RBM23: variants seen among roughly 807,000 people sequenced by gnomAD.
RBM23 encodes the protein RNA binding motif protein 23, also known as probable RNA-binding protein 23.
Under a neutral mutation model 56.2 loss-of-function variants are expected in RBM23, and 53 were observed. The observed-to-expected ratio is 0.94, with a 90% CI of 0.76 to 1.19. RBM23 has a LOEUF of 1.19. Among genes scored for constraint, RBM23 ranks in the 50% most tolerant of loss-of-function variants. The probability of loss-of-function intolerance (pLI) is 0.00; values close to 1 mark genes in which losing one functional copy is unlikely to be tolerated. For synonymous variants in RBM23, 197 were observed against 198.5 expected, an observed-to-expected ratio of 0.99 and a Z score of 0.06; for missense variants, 642 against 590.3, an observed-to-expected ratio of 1.09 and a Z score of -0.91.
intron 3 of RBM23, 23 bp from the exon 4 acceptor site, chr14:22,908,403 C>CT (rs747437175): frequency 0.035 from 41,353 of 1,193,128 alleles, no homozygotes; most frequent in Non-Finnish European, 0.037. Context: ...GTACATTCTT[C>CT]TTTTTTTTTT....
intron 12 of RBM23, 34 bp downstream of exon 12, chr14:22,901,946 A>C: frequency 6.2e-7 from 1 of 1,612,046 alleles, no homozygotes; most frequent in South Asian, 1.1e-5. Context: ...CCAGACCCCC[A>C]AACCTTCCCT....
At chr14:22,905,892 G>A (rs971930483) in intron 5 of RBM23, 15 of 596,514 alleles carry the variant, frequency 2.5e-5, no homozygotes, top group Non-Finnish European at 4.1e-5. Flanking sequence ...TAGGATTACA[G>A]ACACACATGA....
At chr14:22,909,202 C>A (rs2042066507) in intron 3 of RBM23, among the ~76,000 whole-genome samples, 1 of 152,102 alleles carries the variant, frequency 6.6e-6, no homozygotes, top group Admixed American at 6.6e-5. Flanking sequence ...CTCGGCCTCC[C>A]AAAGTGCTGG....
Position 22,902,056 on chromosome 14 carries a change from G to GGCGGCAGCA in RBM23, c.1169_1170insTGCTGCCGC (p.Ala391_Ala393dup), listed in dbSNP as rs1555335713. On this transcript the variant is annotated inframe_insertion, in exon 12 of 14. Transcript: ENST00000359890. ...GCAAGGCAGCAGCCTGGGCGGCGGC[G>GGCGGCAGCA]GCAGCAGCAGCAGCAGCAGTGCTTG... 3.7e-6 allele frequency: 6 copies of GGCGGCAGCA among 1,605,896 alleles called. No homozygotes were observed. Among genetic ancestry groups the GGCGGCAGCA allele is most frequent in the Admixed American group, 3.4e-5 (2 of 59,332 alleles).
At chr14:22,904,078 C>G (rs2041093264) in intron 10 of RBM23, 183 bp downstream of exon 10, 3 of 1,524,872 alleles carry the variant, frequency 2.0e-6, no homozygotes, top group South Asian at 1.2e-5. Flanking sequence ...AGTGTAGGAG[C>G]AAAGCCAAGA....
At chr14:22,901,930 T>C (rs2040566743) in intron 12 of RBM23, 47 bp from the exon 13 acceptor site, 8 of 1,612,866 alleles carry the variant, frequency 5.0e-6, no homozygotes, top group Non-Finnish European at 6.8e-6. Context: ...CGCGCACTCC[T>C]TCTTTCCAGA....
rs746246907 is a variant in RBM23, at chr14:22,901,715, T to G, written c.*15A>C. On this transcript the variant is annotated 3_prime_UTR_variant, in exon 14 of 14. Coordinates refer to ENST00000359890, the MANE Select transcript of RBM23 (RefSeq NM_001077351.2). ...GATCCAGAGGCACAAGGAGGCAGTA[T>G]ACTGTGCCACTGATTTACCTGTGGA... 2 of 1,612,176 alleles carry G rather than the reference T, an allele frequency of 1.2e-6. No homozygotes were observed. The highest frequency in any genetic ancestry group is 8.5e-7 in the Non-Finnish European group (1 of 1,178,222).
At chr14:22,907,658 T>C (rs1481342146) in intron 4 of RBM23, among the ~76,000 whole-genome samples, 3 of 152,264 alleles carry the variant, frequency 2.0e-5, no homozygotes, top group Non-Finnish European at 2.9e-5. Flanking sequence ...CTGATTCATG[T>C]ATTTACTATA....
chr14:22,908,429 G>A, intron 3 of RBM23, 49 bp from the exon 4 acceptor site: 4 of 1,529,946 alleles, frequency 2.6e-6, no homozygotes, highest in Non-Finnish European at 3.5e-6. Flanking sequence ...TTTTGAGAAA[G>A]AATCTCGCTC....
chr14:22,905,136 C>T lies in RBM23; in HGVS notation c.684G>A (p.Gly228=). The change falls in exon 8 of 14, where the codon GGG becomes GGA. Residue 228 remains glycine, a synonymous_variant. Coordinates refer to ENST00000359890, the MANE Select transcript of RBM23 (RefSeq NM_001077351.2). The part of the protein sequence containing the change: ...QSVPLAIGLT[G]QRLLGVPIIV... ...TGATAGGCACTCCCAGCAACCGCTG[C>T]CCAGTCAGCCCAATGGCCAGTGGCA... is the stretch of plus-strand genomic sequence containing the variant. 6.2e-7 allele frequency: 1 copy of T among 1,614,146 alleles called. No homozygotes were observed. The highest frequency in any genetic ancestry group is 1.1e-5 in the South Asian group (1 of 91,084).
Position 22,910,151 on chromosome 14 carries a change from C to CAAAAAAAAAA in RBM23, c.67-566_67-557dup, listed in dbSNP as rs532892000. On this transcript the variant is annotated intron_variant, in intron 2 of 13. Coordinates refer to ENST00000359890, the MANE Select transcript of RBM23 (RefSeq NM_001077351.2). ...TGGGCAGCCTAGTGAGACTCTGTCT[C>CAAAAAAAAAA]AAAAAAAAAAAAAAAAAAAAAAAAA... Among the ~76,000 whole-genome samples the CAAAAAAAAAA allele has an allele frequency of 2.8e-3, 47 of 16,698 alleles. 7 individuals carry two copies. Among genetic ancestry groups the CAAAAAAAAAA allele is most frequent in the African/African-American group, 5.2e-3 (28 of 5,424 alleles). 11.0% of individuals were successfully genotyped at this position (16,698 alleles called of 152,430 possible).
rs1384370391 is a variant in RBM23 at position 22,893,682 on chromosome 14, C to G, written c.*8048G>C. The G allele has an allele frequency of 6.6e-6, 1 of 152,130 alleles. No individual in the cohort carries two copies. Among genetic ancestry groups the G allele is most frequent in the Non-Finnish European group, 1.5e-5 (1 of 68,038 alleles). The allele number at this position is 152,130 out of a possible 1,614,324, so 9.4% of individuals were successfully genotyped here. On this transcript the variant is annotated 3_prime_UTR_variant, in exon 14 of 14. Coordinates refer to ENST00000359890, the MANE Select transcript of RBM23 (RefSeq NM_001077351.2). ...GCACAGAGAAGAAACAGTGGGCAGCCCACCACATGAGGAAAAGGCCCTTCC... is the reference window on the plus strand; with the variant it reads ...GCACAGAGAAGAAACAGTGGGCAGCGCACCACATGAGGAAAAGGCCCTTCC...
At position 22,904,873 on chromosome 14, in the gene RBM23, A is replaced by G; in HGVS notation, c.864+2T>C. 1 of 1,614,052 alleles carries G rather than the reference A, an allele frequency of 6.2e-7. No individual in the cohort carries two copies. The highest frequency in any genetic ancestry group is 1.1e-5 in the South Asian group (1 of 91,066). On this transcript the variant is annotated splice_donor_variant, in intron 9 of 13. Coordinates refer to ENST00000359890, the MANE Select transcript of RBM23 (RefSeq NM_001077351.2). LOFTEE classifies it high-confidence loss of function. ...TCAGAGGTTTCTCTCACTTCTACTC[A>G]CTTTACCAAAGGGCTCAAAGATGCC...
intron 9 of RBM23, 35 bp downstream of exon 9, chr14:22,904,840 A>C: frequency 6.2e-7 from 1 of 1,612,308 alleles, no homozygotes; most frequent in African/African-American, 1.3e-5. Flanking sequence ...CACTTCTTCC[A>C]ATTCCCTTCA....
At chr14:22,910,516 A>G (rs182546941) in intron 2 of RBM23, among the ~76,000 whole-genome samples, 308 of 142,726 alleles carry the variant, frequency 2.2e-3, no homozygotes, top group African/African-American at 7.1e-3. Flanking sequence ...AGGAAGGGAG[A>G]AGGAGGGAGG....
intron 1 of RBM23, chr14:22,911,849 T>C (rs1405483728): frequency 6.5e-6 from 1 of 153,406 alleles, no homozygotes; most frequent in African/African-American, 2.4e-5. Flanking sequence ...AGGTGGAGGT[T>C]GCAGTGAGCC....
chr14:22,901,621 T>C lies in RBM23; in HGVS notation c.*109A>G. The C allele has an allele frequency of 6.8e-7, 1 of 1,469,464 alleles. No homozygotes were observed. The highest frequency in any genetic ancestry group is 9.5e-7 in the Non-Finnish European group (1 of 1,053,668). The allele number at this position is 1,469,464 out of a possible 1,614,324, so 91.0% of individuals were successfully genotyped here. On this transcript the variant is annotated 3_prime_UTR_variant, in exon 14 of 14. Transcript: ENST00000359890. ...CCAATTTCCTCAGAGACAATGTCCA[T>C]GCCCTCAGGATGGCTTGGTCCACAA...
At chr14:22,903,702 G>C (rs1243309134) in intron 10 of RBM23, 1 of 1,003,438 alleles carries the variant, frequency 1.0e-6, no homozygotes, top group East Asian at 1.0e-4. Context: ...GGAGTCACAT[G>C]GGGCTGGAAG....
At chr14:22,915,685 A>T (rs1039658349) in intron 1 of RBM23, among the ~76,000 whole-genome samples, 4 of 151,724 alleles carry the variant, frequency 2.6e-5, no homozygotes, top group African/African-American at 9.7e-5. Flanking sequence ...TAGTAGAGAC[A>T]AAGTTTCACC....
Sources: allele counts gnomAD v4.1 joint callset (sites outside exome capture counted in the v4.1 genomes callset), GRCh38; gene constraint gnomAD v4.1.1; transcripts MANE v1.5; gene names NCBI Gene and HGNC (gene_info 2026-07-23, HGNC 2026-07-21).